BTRC: variants seen among roughly 807,000 people sequenced by gnomAD.
The protein encoded by BTRC is beta-transducin repeat containing E3 ubiquitin protein ligase.
Under a neutral mutation model 85.5 loss-of-function variants are expected in BTRC, and 42 were observed. That is an observed-to-expected ratio of 0.49 (90% CI 0.38 to 0.64). The LOEUF (loss-of-function observed/expected upper bound fraction) is 0.64. BTRC is among the 30% of genes least tolerant of loss of function. The pLI is 0.00. For missense variants in BTRC, 594 were observed against 743.5 expected, an observed-to-expected ratio of 0.80 and a Z score of 2.34; for synonymous variants, 255 against 263.3, an observed-to-expected ratio of 0.97 and a Z score of 0.30.
intron 2 of BTRC, among the ~76,000 whole-genome samples, chr10:101,461,243 ATGT>A (rs956606197): frequency 2.0e-5 from 3 of 152,212 alleles, no homozygotes; most frequent in African/African-American, 2.4e-5. Context: ...AATGTTACTA[ATGT>A]TGTTGCTGAA....
intron 4 of BTRC, among the ~76,000 whole-genome samples, chr10:101,515,087 C>G (rs1241988792): frequency 6.6e-6 from 1 of 152,130 alleles, no homozygotes; most frequent in African/African-American, 2.4e-5. Context: ...TTCAGGGTAG[C>G]TGGGATTACA....
At chr10:101,419,539 A>T (rs1276020914) in intron 1 of BTRC, among the ~76,000 whole-genome samples, 1 of 152,062 alleles carries the variant, frequency 6.6e-6, no homozygotes, top group African/African-American at 2.4e-5. Context: ...TTGTTTGTTG[A>T]CTGGGTCACC....
chr10:101,481,561 T>TGTG (rs71472574), intron 4 of BTRC, among the ~76,000 whole-genome samples: 1 of 147,422 alleles, frequency 6.8e-6, no homozygotes, highest in Non-Finnish European at 1.5e-5. Context: ...TGATGTGGAG[T>TGTG]TTTTTTTTTT....
intron 1 of BTRC, among the ~76,000 whole-genome samples, chr10:101,429,866 T>TA (rs35131210): frequency 0.37 from 52,668 of 143,656 alleles, 10,100 homozygotes; most frequent in Middle Eastern, 0.5. Context: ...CTTTTCCTTC[T>TA]AAAAAAAAAA....
At chr10:101,458,150 C>T (rs1208722652) in intron 2 of BTRC, among the ~76,000 whole-genome samples, 1 of 152,008 alleles carries the variant, frequency 6.6e-6, no homozygotes, top group East Asian at 1.9e-4. Flanking sequence ...AAAACTGTGG[C>T]ACATCCATAC....
At chr10:101,423,804 C>G (rs920447629) in intron 1 of BTRC, among the ~76,000 whole-genome samples, 1 of 152,194 alleles carries the variant, frequency 6.6e-6, no homozygotes, top group African/African-American at 2.4e-5. Flanking sequence ...TGTACTCCAC[C>G]TGTGCCCACT....
chr10:101,490,331 A>G (rs186009266), intron 4 of BTRC, among the ~76,000 whole-genome samples: 4 of 151,952 alleles, frequency 2.6e-5, no homozygotes, highest in Non-Finnish European at 4.4e-5. Context: ...GAGAGAATAC[A>G]TTAAAATGTA....
intron 1 of BTRC, among the ~76,000 whole-genome samples, chr10:101,385,387 A>G (rs997331641): frequency 1.3e-5 from 2 of 150,450 alleles, no homozygotes; most frequent in African/African-American, 4.9e-5. Context: ...AAAAAAAAGA[A>G]AAGAAAAAAA....
intron 1 of BTRC, among the ~76,000 whole-genome samples, chr10:101,429,319 G>C (rs1233357120): frequency 1.3e-5 from 2 of 152,084 alleles, no homozygotes; most frequent in Non-Finnish European, 2.9e-5. Context: ...CAAAGCTGTA[G>C]CTGCAATAAT....
chr10:101,549,736 A>AAAAAAAAAAAAAT (rs2062619932), intron 13 of BTRC, among the ~76,000 whole-genome samples: 1 of 149,002 alleles, frequency 6.7e-6, no homozygotes, highest in Non-Finnish European at 1.5e-5. Context: ...AAAAAAAAAA[A>AAAAAAAAAAAAAT]GATGATGATG....
rs11450967 is a variant in BTRC at position 101,490,104 on chromosome 10, A to ATT, written c.324+10655_324+10656dup. On this transcript the variant is annotated intron_variant, in intron 4 of 14. Transcript: ENST00000370187. ...ATTCTAAGTTTTCTCTCCCACCCCC[A>ATT]TTTTTTTTTCAGGGTGTGTTTCCAT... Among the ~76,000 whole-genome samples, 229 of 149,996 alleles carry ATT rather than the reference A, an allele frequency of 1.5e-3. 1 individual carries two copies. Among genetic ancestry groups the ATT allele is most frequent in the Non-Finnish European group, 2.2e-3 (148 of 67,476 alleles).
chr10:101,400,944 C>T (rs1943478621), intron 1 of BTRC, among the ~76,000 whole-genome samples: 1 of 152,136 alleles, frequency 6.6e-6, no homozygotes, highest in South Asian at 2.1e-4. Flanking sequence ...CTGAATCTTC[C>T]CACCGAACAC....
At chr10:101,490,472 C>T (rs984336591) in intron 4 of BTRC, among the ~76,000 whole-genome samples, 4 of 152,150 alleles carry the variant, frequency 2.6e-5, no homozygotes, top group Non-Finnish European at 4.4e-5. Context: ...TAAGTTAAAC[C>T]TTTTCCAAAT....
chr10:101,488,014 A>G (rs1004037157), intron 4 of BTRC, among the ~76,000 whole-genome samples: 1 of 152,120 alleles, frequency 6.6e-6, no homozygotes, highest in Admixed American at 6.6e-5. Context: ...TTCTATCAGG[A>G]GTCATTTGAT....
At chr10:101,442,136 AG>A (rs1251773784) in intron 2 of BTRC, among the ~76,000 whole-genome samples, 2 of 152,196 alleles carry the variant, frequency 1.3e-5, no homozygotes, top group African/African-American at 4.8e-5. Flanking sequence ...AGAGTGGCAC[AG>A]GTATTTTAAA....
At chr10:101,427,058 C>T (rs1474968524) in intron 1 of BTRC, among the ~76,000 whole-genome samples, 1 of 151,806 alleles carries the variant, frequency 6.6e-6, no homozygotes, top group Non-Finnish European at 1.5e-5. Context: ...CTACCCAGCA[C>T]ACACAGAAAC....
At chr10:101,506,502 G>A (rs1483157615) in intron 4 of BTRC, among the ~76,000 whole-genome samples, 2 of 152,078 alleles carry the variant, frequency 1.3e-5, no homozygotes, top group East Asian at 3.8e-4. Context: ...AGTCTTGGGG[G>A]TGGGGAGGAC....
chr10:101,394,279 G>A (rs924600843), intron 1 of BTRC, among the ~76,000 whole-genome samples: 9 of 152,116 alleles, frequency 5.9e-5, no homozygotes, highest in African/African-American at 1.9e-4. Flanking sequence ...TTGGAAATGG[G>A]ATATTTTTAG....
intron 3 of BTRC, among the ~76,000 whole-genome samples, chr10:101,469,069 G>A (rs375795668): frequency 9.1e-4 from 138 of 152,274 alleles, no homozygotes; most frequent in Admixed American, 2.7e-3. Context: ...CTTTATATGC[G>A]ATATAAAAAC....
Sources: allele counts gnomAD v4.1 joint callset (sites outside exome capture counted in the v4.1 genomes callset), GRCh38; gene constraint gnomAD v4.1.1; transcripts MANE v1.5; gene names NCBI Gene and HGNC (gene_info 2026-07-23, HGNC 2026-07-21).